Variants in FHIT observed in about 807,000 individuals in gnomAD.
The protein encoded by FHIT is bis(5'-adenosyl)-triphosphatase.
In FHIT, 19 loss-of-function variants were observed where a neutral mutation model predicts 17.9. The ratio of observed to expected loss-of-function variants is 1.06; its 90% CI spans 0.74 to 1.56. The LOEUF is 1.56. Ranked by LOEUF, FHIT falls within the 40% of genes most tolerant of loss-of-function variation. The pLI is 0.00. For missense variants in FHIT, 248 were observed against 189.2 expected, an observed-to-expected ratio of 1.31 and a Z score of -1.82; for synonymous variants, 81 against 69.7, an observed-to-expected ratio of 1.16 and a Z score of -0.81.
intron 8 of FHIT, among the ~76,000 whole-genome samples, chr3:59,795,484 AG>A (rs1050327856): frequency 4.0e-5 from 6 of 151,392 alleles, no homozygotes; most frequent in African/African-American, 7.4e-5. Context: ...AAAAGAGAAG[AG>A]TGAGGGTAAG....
intron 5 of FHIT, among the ~76,000 whole-genome samples, chr3:60,200,479 A>G (rs947790801): frequency 1.3e-5 from 2 of 152,120 alleles, no homozygotes; most frequent in South Asian, 4.1e-4. Context: ...TACATGACCA[A>G]AATTACTTTT....
intron 5 of FHIT, among the ~76,000 whole-genome samples, chr3:60,515,773 C>T (rs890183712): frequency 2.0e-5 from 3 of 152,140 alleles, no homozygotes; most frequent in Non-Finnish European, 2.9e-5. Flanking sequence ...ATCCTCACAA[C>T]AATTCCGCTG....
At chr3:60,517,528 C>T (rs1170647899) in intron 5 of FHIT, among the ~76,000 whole-genome samples, 1 of 152,168 alleles carries the variant, frequency 6.6e-6, no homozygotes, top group Non-Finnish European at 1.5e-5. Flanking sequence ...TGCTCTTCAT[C>T]AACGGTCAAA....
At chr3:59,905,838 G>C (rs933760949) in intron 8 of FHIT, among the ~76,000 whole-genome samples, 3 of 152,124 alleles carry the variant, frequency 2.0e-5, no homozygotes, top group Non-Finnish European at 2.9e-5. Context: ...ATGTATCATA[G>C]GTAAGTTTCT....
chr3:60,785,217 A>G (rs1397942628), intron 4 of FHIT, among the ~76,000 whole-genome samples: 7 of 152,256 alleles, frequency 4.6e-5, no homozygotes, highest in African/African-American at 1.7e-4. Context: ...AAGCAGAGAC[A>G]GAGTTATAGT....
At chr3:60,097,023 TTA>T (rs1703979054) in intron 5 of FHIT, among the ~76,000 whole-genome samples, 1 of 18,290 alleles carries the variant, frequency 5.5e-5, no homozygotes, top group Admixed American at 9.4e-4. Context: ...TCTGTTATTA[TTA>T]AAAAAAAAAA....
At chr3:60,635,414 G>A (rs1253522463) in intron 4 of FHIT, among the ~76,000 whole-genome samples, 1 of 152,096 alleles carries the variant, frequency 6.6e-6, no homozygotes, top group African/African-American at 2.4e-5. Context: ...AGTGGCATTT[G>A]GCCAGTTGAC....
intron 2 of FHIT, among the ~76,000 whole-genome samples, chr3:61,122,950 C>A (rs1348497254): frequency 6.6e-6 from 1 of 152,170 alleles, no homozygotes; most frequent in Non-Finnish European, 1.5e-5. Flanking sequence ...TGTGGCGATT[C>A]CTCAAGGATC....
intron 7 of FHIT, among the ~76,000 whole-genome samples, chr3:59,940,904 T>G (rs550264920): frequency 6.6e-6 from 1 of 152,308 alleles, no homozygotes; most frequent in South Asian, 2.1e-4. Context: ...TAGAGAGGAC[T>G]TCCCCAATTT....
At chr3:60,589,644 A>G (rs2038018415) in intron 4 of FHIT, among the ~76,000 whole-genome samples, 1 of 152,102 alleles carries the variant, frequency 6.6e-6, no homozygotes, top group South Asian at 2.1e-4. Flanking sequence ...CAAAATGGCA[A>G]GGGCAAAGGA....
At chr3:60,003,942 G>C (rs1443516607) in intron 7 of FHIT, among the ~76,000 whole-genome samples, 2 of 151,376 alleles carry the variant, frequency 1.3e-5, no homozygotes, top group Non-Finnish European at 2.9e-5. Flanking sequence ...AAATTAGAAT[G>C]AGCTGATTAC....
chr3:60,187,720 T>A (rs1576276586), intron 5 of FHIT, among the ~76,000 whole-genome samples: 1 of 152,170 alleles, frequency 6.6e-6, no homozygotes, highest in Admixed American at 6.5e-5. Flanking sequence ...TTAAGAATAA[T>A]GCACTCTAGT....
At chr3:60,411,646 G>C (rs1702064634) in intron 5 of FHIT, among the ~76,000 whole-genome samples, 1 of 152,094 alleles carries the variant, frequency 6.6e-6, no homozygotes, top group Non-Finnish European at 1.5e-5. Context: ...GGTCTATTTT[G>C]TGATTGGCAG....
intron 5 of FHIT, among the ~76,000 whole-genome samples, chr3:60,289,491 T>C (rs11916661): frequency 1.3e-5 from 2 of 152,160 alleles, no homozygotes; most frequent in African/African-American, 2.4e-5. Flanking sequence ...ATTCACCACA[T>C]TATTAAACAT....
chr3:59,823,888 G>A (rs550853036), intron 8 of FHIT, among the ~76,000 whole-genome samples: 12 of 152,234 alleles, frequency 7.9e-5, no homozygotes, highest in East Asian at 7.7e-4. Context: ...CATCCAAATC[G>A]GTAAAGAGGA....
chr3:60,779,284 G>C (rs1700306108), intron 4 of FHIT, among the ~76,000 whole-genome samples: 1 of 152,170 alleles, frequency 6.6e-6, no homozygotes. Flanking sequence ...CTCATTAGTT[G>C]TTTTTAAGTT....
At chr3:59,755,249 A>G (rs144305431) in intron 8 of FHIT, among the ~76,000 whole-genome samples, 103 of 152,332 alleles carry the variant, frequency 6.8e-4, no homozygotes, top group African/African-American at 2.4e-3. Flanking sequence ...TCTTAGCAAC[A>G]CTAACATGCG....
intron 5 of FHIT, among the ~76,000 whole-genome samples, chr3:60,122,587 C>T (rs1705310711): frequency 6.6e-6 from 1 of 152,108 alleles, no homozygotes; most frequent in African/African-American, 2.4e-5. Flanking sequence ...TGGGAAAAAG[C>T]AGCCCCTCCT....
intron 8 of FHIT, among the ~76,000 whole-genome samples, chr3:59,753,900 AAGAGCATCC>A (rs1575602035): frequency 6.6e-6 from 1 of 152,322 alleles, no homozygotes; most frequent in East Asian, 1.9e-4. Context: ...AGTGTCCCTA[AAGAGCATCC>A]CACAGATACT....
Sources: gnomAD v4.1 joint callset for allele counts (sites outside exome capture counted in the v4.1 genomes callset) on GRCh38, gnomAD v4.1.1 for gene constraint, MANE v1.5 for transcripts, NCBI Gene and HGNC (gene_info 2026-07-23, HGNC 2026-07-21) for gene names.